SAMSN1: variants seen among roughly 807,000 people sequenced by gnomAD.
SAMSN1 encodes SAM domain, SH3 domain and nuclear localization signals 1.
Under a neutral mutation model 42.0 loss-of-function variants are expected in SAMSN1, and 31 were observed. The ratio of observed to expected loss-of-function variants is 0.74; its 90% CI spans 0.55 to 1.00. The LOEUF is 1.00. Ranked by LOEUF, SAMSN1 falls within the 50% of genes least tolerant of loss-of-function variation. SAMSN1 has a pLI of 0.00. For synonymous variants in SAMSN1, 178 were observed against 151.9 expected (o/e 1.17, Z -1.26); for missense variants, 464 against 439.4 (o/e 1.06, Z -0.50).
In SAMSN1 at chr21:14,486,349, G is replaced by A. The variant is rs3746828; in HGVS notation, c.920-235C>T. On this transcript the variant is annotated intron_variant, in intron 7 of 7. Transcript: ENST00000400566. Reference sequence around the variant, plus strand: ...ATTTGCCCTTCATTGTTCATTTGCAGTTTCATGGAATTCATGTGAACTTCC... The same window carrying A: ...ATTTGCCCTTCATTGTTCATTTGCAATTTCATGGAATTCATGTGAACTTCC... Among the ~76,000 whole-genome samples, 31 of 152,192 alleles carry A rather than the reference G, an allele frequency of 2.0e-4. No individual in the cohort carries two copies. The East Asian group carries it at 5.8e-3, about 28-fold the overall frequency.
At position 14,528,883 on chromosome 21, in the gene SAMSN1, C is replaced by A. The variant is rs184481975; in HGVS notation, c.58-7662G>T. 4.8e-3 allele frequency among the ~76,000 whole-genome samples: 727 copies of A among 152,256 alleles called. 4 individuals are homozygous for A. Among genetic ancestry groups the A allele is most frequent in the South Asian group, 9.3e-3 (45 of 4,816 alleles). The stretch of plus-strand genomic sequence containing the variant: ...GCTTTCCATCTGCCAAACTCCATGC[C>A]ATGCTATTTATCCGTAATTATTTCA... On this transcript the variant is annotated intron_variant, in intron 1 of 7. Transcript: ENST00000400566.
chr21:14,599,597 A>C (rs1982375254), intron 6 of SAMSN1, among the ~76,000 whole-genome samples: 1 of 152,178 alleles, frequency 6.6e-6, no homozygotes, highest in South Asian at 2.1e-4. Flanking sequence ...CAATAGGTTA[A>C]TGTTCTCCCT....
At chr21:14,531,409 ACC>A (rs1979260404) in intron 1 of SAMSN1, among the ~76,000 whole-genome samples, 1 of 152,080 alleles carries the variant, frequency 6.6e-6, no homozygotes, top group Non-Finnish European at 1.5e-5. Context: ...AAAAAAGAAA[ACC>A]CAAGAGTAAC....
chr21:14,557,624 C>T (rs540488174), intron 2 of SAMSN1, among the ~76,000 whole-genome samples: 11 of 152,142 alleles, frequency 7.2e-5, no homozygotes, highest in South Asian at 4.1e-4. Flanking sequence ...GAAATTTCTA[C>T]GGGGAATTCA....
intron 2 of SAMSN1, among the ~76,000 whole-genome samples, chr21:14,575,938 C>CT (rs1981445287): frequency 6.6e-6 from 1 of 152,126 alleles, no homozygotes; most frequent in Non-Finnish European, 1.5e-5. Flanking sequence ...TTCACCTACA[C>CT]TTTTAAACTT....
At chr21:14,498,039 C>T (rs1035034769) in intron 7 of SAMSN1, among the ~76,000 whole-genome samples, 1 of 152,166 alleles carries the variant, frequency 6.6e-6, no homozygotes, top group Non-Finnish European at 1.5e-5. Context: ...TTCCTGTGTG[C>T]CATGAAGGCT....
In SAMSN1 at chr21:14,567,591, G is replaced by A. The variant is rs186946879; in HGVS notation, c.261+14545C>T. 2.2e-3 allele frequency among the ~76,000 whole-genome samples: 338 copies of A among 152,210 alleles called. 3 individuals carry two copies. Among genetic ancestry groups the A allele is most frequent in the African/African-American group, 7.6e-3 (315 of 41,544 alleles). ...GGATTTATCCACTGCACCCATTAGA[G>A]GCTCTGTACACTCTTCCAGCTGATC... On this transcript the variant is annotated intron_variant, in intron 2 of 8. Transcript: ENST00000285670.
At chr21:14,607,847 C>T (rs1158793086) in intron 5 of SAMSN1, among the ~76,000 whole-genome samples, 1 of 152,156 alleles carries the variant, frequency 6.6e-6, no homozygotes, top group Non-Finnish European at 1.5e-5. Flanking sequence ...ACCATTATAC[C>T]TTCTTTATCC....
intron 2 of SAMSN1, among the ~76,000 whole-genome samples, chr21:14,621,843 C>T (rs1329471929): frequency 6.6e-6 from 1 of 152,196 alleles, no homozygotes; most frequent in African/African-American, 2.4e-5. Flanking sequence ...GGGTCCCTGA[C>T]CCTCGAGTAG....
At chr21:14,564,543 C>T (rs1167891342) in intron 2 of SAMSN1, among the ~76,000 whole-genome samples, 1 of 152,172 alleles carries the variant, frequency 6.6e-6, no homozygotes, top group Admixed American at 6.5e-5. Context: ...TGTCTGACAC[C>T]ACTGTACCAC....
chr21:14,552,782 C>T (rs1180279066), intron 2 of SAMSN1, among the ~76,000 whole-genome samples: 1 of 152,110 alleles, frequency 6.6e-6, no homozygotes, highest in Admixed American at 6.6e-5. Context: ...TCTCCAATTT[C>T]TATTTCTAAA....
At chr21:14,612,942 A>G in intron 3 of SAMSN1, 1 of 682,382 alleles carries the variant, frequency 1.5e-6, no homozygotes, top group Non-Finnish European at 2.7e-6. Flanking sequence ...AAGATATTTA[A>G]GTCTAGATTT....
chr21:14,510,548 T>G, intron 4 of SAMSN1, 87 bp from the exon 5 acceptor site: 1 of 1,442,094 alleles, frequency 6.9e-7, no homozygotes, highest in Non-Finnish European at 9.7e-7. Context: ...TTGATAATGC[T>G]GGAACACTGG....
chr21:14,594,176 G>T, intron 6 of SAMSN1: 1 of 602,222 alleles, frequency 1.7e-6, no homozygotes, highest in Non-Finnish European at 3.0e-6. Context: ...AATTGGGAAA[G>T]GATTCGCTGT....
intron 2 of SAMSN1, among the ~76,000 whole-genome samples, chr21:14,621,093 AG>A (rs1982990181): frequency 6.6e-6 from 1 of 152,222 alleles, no homozygotes; most frequent in Non-Finnish European, 1.5e-5. Flanking sequence ...AGATTTTCAA[AG>A]AAGACATGAC....
chr21:14,520,516 T>C lies in SAMSN1; in HGVS notation c.129+634A>G, dbSNP rs980185281. Among the ~76,000 whole-genome samples the C allele has an allele frequency of 3.3e-5, 5 of 152,338 alleles. 1 individual carries two copies. On this transcript the variant is annotated intron_variant, in intron 2 of 7. Transcript: ENST00000400566. ...ATCTTTTCGGGTTCATGTTTTGCTT[T>C]CCCAAACATCTGTTAGGCTTCTTAA...
chr21:14,510,406 A>G lies in SAMSN1; in HGVS notation c.465T>C (p.Asp155=). The change falls in exon 5 of 8, where the codon GAT becomes GAC. Residue 155 remains aspartate, a synonymous_variant. Coordinates refer to ENST00000400566, the MANE Select transcript of SAMSN1 (RefSeq NM_022136.5). ...GTSNRDSFRL[D]DDGPYSGPFC... is the part of the protein sequence containing the mutation. ...ATGGTCCTGAATAGGGGCCATCGTCATCCAGTCGAAAGCTGTCCCGGTTAC... is the reference window on the plus strand; with the variant it reads ...ATGGTCCTGAATAGGGGCCATCGTCGTCCAGTCGAAAGCTGTCCCGGTTAC... 1 of 1,614,196 alleles carries G rather than the reference A, an allele frequency of 6.2e-7. No individual in the cohort carries two copies. The highest frequency in any genetic ancestry group is 8.5e-7 in the Non-Finnish European group (1 of 1,180,016).
At position 14,512,482 on chromosome 21, in the gene SAMSN1, T is replaced by G. The variant is rs772895075; in HGVS notation, c.371A>C (p.Asp124Ala). The G allele has an allele frequency of 6.2e-7, 1 of 1,613,978 alleles. No individual in the cohort carries two copies. Among genetic ancestry groups the G allele is most frequent in the South Asian group, 1.1e-5 (1 of 91,082 alleles). ...TCCACTGTAGAGACTATCCATGGAG[T>G]CACTGGCTTTGAGGGACACCTTCTC... ...HTEKVSLKAS[D>A]SMDSLYSGQS... The change falls in exon 4 of 8, where the codon GAC becomes GCC. Residue 124 changes from aspartate to alanine, a missense_variant. Coordinates refer to ENST00000400566, the MANE Select transcript of SAMSN1 (RefSeq NM_022136.5).
chr21:14,656,427 A>T (rs990396963), intron 1 of SAMSN1, among the ~76,000 whole-genome samples: 20 of 151,858 alleles, frequency 1.3e-4, no homozygotes, highest in Admixed American at 4.6e-4. Context: ...ATTATTGAAG[A>T]AATTGTGCAG....
Sources: gnomAD v4.1 joint callset for allele counts (sites outside exome capture counted in the v4.1 genomes callset) on GRCh38, gnomAD v4.1.1 for gene constraint, MANE v1.5 for transcripts, NCBI Gene and HGNC (gene_info 2026-07-23, HGNC 2026-07-21) for gene names.